Variants in ERICH6B observed in about 807,000 individuals in gnomAD.
ERICH6B encodes the protein glutamate-rich protein 6B.
In ERICH6B, 69 loss-of-function variants were observed where a neutral mutation model predicts 80.0. The observed-to-expected ratio is 0.86, with a 90% CI of 0.71 to 1.05. The LOEUF is 1.05. Ranked by LOEUF, ERICH6B falls within the 50% of genes least tolerant of loss-of-function variation. The probability of loss-of-function intolerance (pLI) is 0.00; values close to 1 mark genes in which losing one functional copy is unlikely to be tolerated. For missense variants in ERICH6B, 754 were observed against 796.1 expected, an observed-to-expected ratio of 0.95 and a Z score of 0.64; for synonymous variants, 283 against 291.9, an observed-to-expected ratio of 0.97 and a Z score of 0.31.
chr13:45,614,042 T>C (rs576953272), intron 1 of ERICH6B, among the ~76,000 whole-genome samples: 1 of 152,324 alleles, frequency 6.6e-6, no homozygotes, highest in Admixed American at 6.5e-5. Context: ...CCCTGTCTGC[T>C]GGTGCAAGAG....
chr13:45,568,240 T>A, intron 9 of ERICH6B, 75 bp downstream of exon 9: 1 of 1,437,566 alleles, frequency 7.0e-7, no homozygotes. Flanking sequence ...GATGGCTCAG[T>A]TTACACTTTC....
intron 13 of ERICH6B, among the ~76,000 whole-genome samples, chr13:45,549,353 C>T (rs1593772792): frequency 6.6e-6 from 1 of 151,874 alleles, no homozygotes; most frequent in South Asian, 2.1e-4. Context: ...GGAAAAAATC[C>T]TGAAAAGAGA....
At chr13:45,583,975 T>C (rs1875788156) in intron 5 of ERICH6B, among the ~76,000 whole-genome samples, 3 of 152,226 alleles carry the variant, frequency 2.0e-5, no homozygotes, top group Admixed American at 2.0e-4. Flanking sequence ...ACAATGTCTC[T>C]ATGTGTACGT....
intron 3 of ERICH6B, 147 bp from the exon 4 acceptor site, chr13:45,590,844 C>A: frequency 1.7e-6 from 1 of 597,926 alleles, no homozygotes; most frequent in South Asian, 2.5e-5. Context: ...TTAATGGTTT[C>A]CTTTAAAAAT....
chr13:45,543,954 T>A (rs1472476214), intron 14 of ERICH6B, among the ~76,000 whole-genome samples: 1 of 152,136 alleles, frequency 6.6e-6, no homozygotes, highest in Non-Finnish European at 1.5e-5. Flanking sequence ...CAGGGTGACA[T>A]CTGTGTTTTA....
At chr13:45,595,423 T>C (rs1277389221) in intron 3 of ERICH6B, among the ~76,000 whole-genome samples, 1 of 152,010 alleles carries the variant, frequency 6.6e-6, no homozygotes, top group Non-Finnish European at 1.5e-5. Flanking sequence ...TATAAATATA[T>C]AAATAAGTGT....
At chr13:45,614,111 A>G (rs760558370) in intron 1 of ERICH6B, among the ~76,000 whole-genome samples, 4 of 152,156 alleles carry the variant, frequency 2.6e-5, no homozygotes, top group Non-Finnish European at 5.9e-5. Flanking sequence ...ACCTCAATAT[A>G]TTAACGGGCC....
chr13:45,589,212 G>T (rs1876055688), intron 4 of ERICH6B, among the ~76,000 whole-genome samples: 1 of 152,142 alleles, frequency 6.6e-6, no homozygotes, highest in African/African-American at 2.4e-5. Flanking sequence ...TGGAGGCCCA[G>T]ATCTGGCCCC....
intron 1 of ERICH6B, among the ~76,000 whole-genome samples, chr13:45,614,947 G>A (rs1298622403): frequency 6.6e-6 from 1 of 152,176 alleles, no homozygotes; most frequent in Non-Finnish European, 1.5e-5. Context: ...AAATGTTCTG[G>A]CAACCCCCTT....
intron 3 of ERICH6B, among the ~76,000 whole-genome samples, chr13:45,592,132 T>C (rs900844476): frequency 6.6e-6 from 1 of 152,174 alleles, no homozygotes; most frequent in Non-Finnish European, 1.5e-5. Context: ...ATCTGTGAAA[T>C]GGGCAGGAAG....
intron 7 of ERICH6B, among the ~76,000 whole-genome samples, chr13:45,579,410 G>A (rs1875561187): frequency 6.6e-6 from 1 of 152,184 alleles, no homozygotes; most frequent in African/African-American, 2.4e-5. Flanking sequence ...TTAATTGCAG[G>A]CTTTTGTTTT....
chr13:45,577,276 C>CTT (rs34244794), intron 7 of ERICH6B, among the ~76,000 whole-genome samples: 1,640 of 85,964 alleles, frequency 0.019, 190 homozygotes, highest in African/African-American at 0.03. Context: ...AAAAACAAAT[C>CTT]TTTTTTTTTT....
At chr13:45,592,026 AGAG>A (rs1182004644) in intron 3 of ERICH6B, among the ~76,000 whole-genome samples, 1 of 152,204 alleles carries the variant, frequency 6.6e-6, no homozygotes. Context: ...AGCGACTAGA[AGAG>A]GAGAGAAAGT....
intron 8 of ERICH6B, among the ~76,000 whole-genome samples, chr13:45,570,164 C>T (rs1875091172): frequency 6.6e-6 from 1 of 152,126 alleles, no homozygotes; most frequent in South Asian, 2.1e-4. Flanking sequence ...TGGAACTATC[C>T]CTATCATCAT....
chr13:45,556,541 A>G (rs548801488), intron 11 of ERICH6B, among the ~76,000 whole-genome samples: 73 of 152,146 alleles, frequency 4.8e-4, no homozygotes, highest in African/African-American at 1.8e-3. Context: ...TCTTTTATCC[A>G]TCACCCCCTT....
At position 45,590,666 on chromosome 13, in the gene ERICH6B, C is replaced by T; in HGVS notation, c.669G>A (p.Met223Ile). The T allele has an allele frequency of 1.3e-6, 2 of 1,551,516 alleles. No homozygotes were observed. The highest frequency in any genetic ancestry group is 1.7e-6 in the Non-Finnish European group (2 of 1,146,934). Residue 223 changes from methionine to isoleucine, a missense_variant, in exon 4 of 15, where the codon ATG becomes ATA. Coordinates refer to ENST00000298738, the MANE Select transcript of ERICH6B (RefSeq NM_182542.3). ...ACTGTTACCTTGCATCACGAAGAAG[C>T]ATGGTTTGTGATGAATAACTTGCCT... ...EPKASYSSQT[M>I]LLRDARSPDA...
chr13:45,550,383 A>G (rs1874172910), intron 11 of ERICH6B, 67 bp from the exon 12 acceptor site: 3 of 1,345,144 alleles, frequency 2.2e-6, no homozygotes, highest in Admixed American at 4.0e-5. Flanking sequence ...CCTACTGCAG[A>G]GCACGGTGTG....
At chr13:45,595,425 A>T (rs1159764827) in intron 3 of ERICH6B, among the ~76,000 whole-genome samples, 2 of 152,046 alleles carry the variant, frequency 1.3e-5, no homozygotes, top group African/African-American at 4.8e-5. Context: ...TAAATATATA[A>T]ATAAGTGTAT....
Position 45,568,430 on chromosome 13 carries a change from T to C in ERICH6B, c.1072A>G (p.Thr358Ala). Reference protein sequence around the residue: ...DENFLNSSYQTVFKTIIKEMA... With the variant: ...DENFLNSSYQAVFKTIIKEMA... The stretch of plus-strand genomic sequence containing the variant: ...TCTTTGATTATTGTTTTAAATACTG[T>C]CTGATAGGAGCTGTTCAAAAACTAC... Residue 358 changes from threonine to alanine, a missense_variant, in exon 9 of 15, where the codon ACA (threonine) becomes GCA (alanine). Transcript: ENST00000298738. 2 of 1,545,026 alleles carry C rather than the reference T, an allele frequency of 1.3e-6. No individual in the cohort carries two copies. Among genetic ancestry groups the C allele is most frequent in the Non-Finnish European group, 1.7e-6 (2 of 1,144,700 alleles).
Sources: allele counts gnomAD v4.1 joint callset (sites outside exome capture counted in the v4.1 genomes callset), GRCh38; gene constraint gnomAD v4.1.1; transcripts MANE v1.5; gene names NCBI Gene and HGNC (gene_info 2026-07-23, HGNC 2026-07-21).